Variants in NRXN3 observed in about 807,000 individuals in gnomAD.
The protein encoded by NRXN3 is neurexin 3.
A neutral mutation model predicts 137.6 loss-of-function variants in NRXN3; 32 were observed. That is an observed-to-expected ratio of 0.23 (90% CI 0.18 to 0.31). The LOEUF is 0.31. NRXN3 is among the 10% of genes least tolerant of loss of function. The pLI, the probability that NRXN3 is intolerant of heterozygous loss-of-function variation, is 1.00. For missense variants in NRXN3, 1,574 were observed against 2,062.5 expected, an observed-to-expected ratio of 0.76 and a Z score of 4.59; for synonymous variants, 798 against 784.5, an observed-to-expected ratio of 1.02 and a Z score of -0.29.
chr14:78,624,200 A>G (rs1420063841), intron 4 of NRXN3, among the ~76,000 whole-genome samples: 1 of 152,254 alleles, frequency 6.6e-6, no homozygotes, highest in East Asian at 1.9e-4. Context: ...AAAAGTCAGA[A>G]TTGGCAGTTG....
rs1011777716 is a variant in NRXN3, at chr14:78,563,264, T to C, written c.758-81856T>C. ...TGATCAAAAGCAAGGCAAAGGGCTCTCCAATATTCATCGATTAGGGGACTA... is the reference window on the plus strand; with the variant it reads ...TGATCAAAAGCAAGGCAAAGGGCTCCCCAATATTCATCGATTAGGGGACTA... On this transcript the variant is annotated intron_variant, in intron 4 of 20. Coordinates refer to ENST00000335750, the MANE Select transcript of NRXN3 (RefSeq NM_001330195.2). Among the ~76,000 whole-genome samples, 7 of 152,352 alleles carry C rather than the reference T, an allele frequency of 4.6e-5. No individual in the cohort carries two copies. In the East Asian group the frequency reaches 1.3e-3, roughly 29 times the overall value.
At chr14:79,168,452 C>T (rs2061481788) in intron 15 of NRXN3, among the ~76,000 whole-genome samples, 1 of 152,004 alleles carries the variant, frequency 6.6e-6, no homozygotes, top group South Asian at 2.1e-4. Flanking sequence ...ATGAAAGTGT[C>T]TTACATTCTA....
chr14:79,335,275 G>T (rs1369179788), intron 15 of NRXN3, among the ~76,000 whole-genome samples: 1 of 152,136 alleles, frequency 6.6e-6, no homozygotes, highest in Non-Finnish European at 1.5e-5. Flanking sequence ...GTGTGTGTGT[G>T]TGCAAGTAGC....
chr14:78,412,998 G>A (rs903513815), intron 4 of NRXN3, among the ~76,000 whole-genome samples: 3 of 152,218 alleles, frequency 2.0e-5, no homozygotes, highest in African/African-American at 7.2e-5. Flanking sequence ...GGAACAGGAA[G>A]CCTCTTAAGG....
chr14:79,327,073 C>T (rs2090996315), intron 15 of NRXN3, among the ~76,000 whole-genome samples: 1 of 152,192 alleles, frequency 6.6e-6, no homozygotes, highest in Non-Finnish European at 1.5e-5. Flanking sequence ...CACCTTCTTT[C>T]CCTCGCTCCC....
At chr14:79,387,337 A>G (rs1199770568) in intron 15 of NRXN3, among the ~76,000 whole-genome samples, 1 of 149,980 alleles carries the variant, frequency 6.7e-6, no homozygotes, top group East Asian at 2.0e-4. Context: ...ATGCAGCCAA[A>G]AGAAACATGA....
intron 8 of NRXN3, among the ~76,000 whole-genome samples, chr14:78,768,390 A>G (rs1445229213): frequency 6.6e-6 from 1 of 152,196 alleles, no homozygotes; most frequent in Non-Finnish European, 1.5e-5. Context: ...GAGAGTTCTT[A>G]TAAGATGGAA....
chr14:78,916,336 T>C (rs986476279), intron 10 of NRXN3, among the ~76,000 whole-genome samples: 1 of 152,198 alleles, frequency 6.6e-6, no homozygotes, highest in Admixed American at 6.5e-5. Context: ...GTTTCTCTGC[T>C]AGAAAAATGT....
At chr14:78,927,150 C>CTTTTGAGAAA (rs546385554) in intron 10 of NRXN3, among the ~76,000 whole-genome samples, 1 of 111,724 alleles carries the variant, frequency 9.0e-6, no homozygotes, top group Non-Finnish European at 1.8e-5. Context: ...GTGAGACCCT[C>CTTTTGAGAAA]AAAAAAAAAA....
chr14:79,799,384 C>T (rs1159291211), intron 19 of NRXN3, among the ~76,000 whole-genome samples: 3 of 152,302 alleles, frequency 2.0e-5, no homozygotes, highest in Non-Finnish European at 4.4e-5. Flanking sequence ...CAGTCATACT[C>T]ATGCACTATG....
chr14:78,908,607 G>A (rs1261230549), intron 10 of NRXN3, among the ~76,000 whole-genome samples: 1 of 151,792 alleles, frequency 6.6e-6, no homozygotes, highest in African/African-American at 2.4e-5. Flanking sequence ...AAAAAAACTG[G>A]GCATCACTTA....
At chr14:78,326,012 C>T (rs1477075618) in intron 4 of NRXN3, among the ~76,000 whole-genome samples, 1 of 152,172 alleles carries the variant, frequency 6.6e-6, no homozygotes, top group Non-Finnish European at 1.5e-5. Context: ...TCCAGAAACC[C>T]CCTTAGTCCT....
At chr14:79,362,572 G>T (rs1428439364) in intron 15 of NRXN3, among the ~76,000 whole-genome samples, 1 of 152,120 alleles carries the variant, frequency 6.6e-6, no homozygotes, top group African/African-American at 2.4e-5. Context: ...TAAATAACTT[G>T]CCTTCCAACA....
At chr14:78,174,915 G>T (rs1224382213) in intron 1 of NRXN3, among the ~76,000 whole-genome samples, 6 of 152,174 alleles carry the variant, frequency 3.9e-5, no homozygotes, top group Non-Finnish European at 7.3e-5. Context: ...TGAAATTGAG[G>T]GTTTTCCCTG....
rs76050095 is a variant in NRXN3, at chr14:79,627,371, G to A, written c.3445-36407G>A. ...CTGGACTGTTGGTTTGCTTCCTAGT[G>A]TACTTCTGCTTATCCTTTCTTCCCT... On this transcript the variant is annotated intron_variant, in intron 16 of 20. Transcript: ENST00000335750. Among the ~76,000 whole-genome samples the A allele has an allele frequency of 0.011, 1,727 of 152,190 alleles. 105 individuals are homozygous for A. The East Asian group carries it at 0.19, about 17-fold the overall frequency.
intron 16 of NRXN3, among the ~76,000 whole-genome samples, chr14:79,600,615 T>C (rs986534438): frequency 1.8e-4 from 28 of 152,110 alleles, no homozygotes; most frequent in Admixed American, 1.7e-3. Flanking sequence ...GTTAGATCAG[T>C]GGGGCTGTAA....
At chr14:78,636,021 T>C (rs28542060) in intron 4 of NRXN3, among the ~76,000 whole-genome samples, 5,630 of 152,240 alleles carry the variant, frequency 0.037, 342 homozygotes, top group African/African-American at 0.13. Context: ...AAGGACCAGT[T>C]TGATATCCTG....
chr14:78,684,845 T>A (rs2098112096), intron 6 of NRXN3, among the ~76,000 whole-genome samples: 1 of 152,216 alleles, frequency 6.6e-6, no homozygotes, highest in African/African-American at 2.4e-5. Flanking sequence ...CCAAGAGTAT[T>A]GAAAGCTGAA....
At chr14:78,804,140 A>G (rs577480316) in intron 9 of NRXN3, among the ~76,000 whole-genome samples, 4 of 152,138 alleles carry the variant, frequency 2.6e-5, no homozygotes, top group Admixed American at 6.5e-5. Flanking sequence ...CTTTTGATCA[A>G]TCATATTCCC....
Sources: gnomAD v4.1 joint callset for allele counts (sites outside exome capture counted in the v4.1 genomes callset) on GRCh38, gnomAD v4.1.1 for gene constraint, MANE v1.5 for transcripts, NCBI Gene and HGNC (gene_info 2026-07-23, HGNC 2026-07-21) for gene names.